NTRK3: variants seen among roughly 807,000 people sequenced by gnomAD.
NTRK3 encodes NT-3 growth factor receptor.
A neutral mutation model predicts 91.7 loss-of-function variants in NTRK3; 24 were observed. The ratio of observed to expected loss-of-function variants is 0.26; its 90% CI spans 0.19 to 0.37. NTRK3 has a LOEUF of 0.37. NTRK3 is among the 10% of genes least tolerant of loss of function. The pLI is 1.00. For synonymous variants in NTRK3, 483 were observed against 404.0 expected (o/e 1.20, Z -2.34); for missense variants, 880 against 1,068.9 (o/e 0.82, Z 2.46).
intron 3 of NTRK3, among the ~76,000 whole-genome samples, chr15:88,227,887 C>T (rs547163842): frequency 6.6e-6 from 1 of 152,246 alleles, no homozygotes; most frequent in South Asian, 2.1e-4. Context: ...GGTCCTTTCT[C>T]CTTACTCCTG....
intron 13 of NTRK3, among the ~76,000 whole-genome samples, chr15:88,120,526 T>C (rs1441156635): frequency 6.6e-6 from 1 of 152,188 alleles, no homozygotes; most frequent in Non-Finnish European, 1.5e-5. Context: ...CTTGATGCCC[T>C]TCCTTCCCGG....
At chr15:88,096,175 A>G (rs1380139339) in intron 13 of NTRK3, among the ~76,000 whole-genome samples, 5 of 152,144 alleles carry the variant, frequency 3.3e-5, no homozygotes, top group Admixed American at 3.3e-4. Context: ...CCGAGATGCT[A>G]ACTGTCCTGC....
At chr15:88,207,357 C>T (rs1402235395) in intron 3 of NTRK3, among the ~76,000 whole-genome samples, 2 of 152,180 alleles carry the variant, frequency 1.3e-5, no homozygotes, top group African/African-American at 2.4e-5. Context: ...GTCACTCTTT[C>T]CCCCCAACAC....
At chr15:87,885,036 G>T (rs568422339) in intron 17 of NTRK3, among the ~76,000 whole-genome samples, 5 of 151,972 alleles carry the variant, frequency 3.3e-5, no homozygotes, top group African/African-American at 1.2e-4. Flanking sequence ...TAACGAAAAA[G>T]CAGTTAGAAC....
chr15:88,173,585 A>G (rs1460910559), intron 5 of NTRK3, among the ~76,000 whole-genome samples: 1 of 152,242 alleles, frequency 6.6e-6, no homozygotes, highest in Non-Finnish European at 1.5e-5. Context: ...GCTAAGGGGC[A>G]TTGCCCATTC....
chr15:88,058,907 T>C (rs2045959423), intron 13 of NTRK3, among the ~76,000 whole-genome samples: 1 of 152,186 alleles, frequency 6.6e-6, no homozygotes, highest in African/African-American at 2.4e-5. Context: ...CATTCTCCTC[T>C]GAGCCAGCAG....
intron 13 of NTRK3, 132 bp from the exon 14 acceptor site, chr15:88,033,177 T>C (rs12441363): frequency 0.52 from 42,606 of 82,080 alleles, 5,343 homozygotes; most frequent in Middle Eastern, 0.6. Flanking sequence ...GGGGGTGTGT[T>C]ATATATATAT....
intron 13 of NTRK3, among the ~76,000 whole-genome samples, chr15:88,119,019 T>TATTTTGC (rs1401373455): frequency 1.3e-5 from 2 of 152,046 alleles, no homozygotes; most frequent in Non-Finnish European, 2.9e-5. Context: ...AGAGGAAAAA[T>TATTTTGC]ATTTTGCATC....
chr15:87,950,293 G>T (rs1420359617), intron 14 of NTRK3, among the ~76,000 whole-genome samples: 1 of 152,168 alleles, frequency 6.6e-6, no homozygotes, highest in Non-Finnish European at 1.5e-5. Flanking sequence ...CCGTAGAAGG[G>T]GAGACCAGAG....
intron 10 of NTRK3, among the ~76,000 whole-genome samples, chr15:88,133,388 A>AC (rs1413986061): frequency 6.6e-6 from 1 of 152,032 alleles, no homozygotes; most frequent in Non-Finnish European, 1.5e-5. Flanking sequence ...CTCTCAGGAT[A>AC]CCCCTGGCAG....
chr15:88,060,450 G>A (rs919612102), intron 13 of NTRK3, among the ~76,000 whole-genome samples: 5 of 152,090 alleles, frequency 3.3e-5, no homozygotes, highest in Non-Finnish European at 7.4e-5. Flanking sequence ...CTCCATGGTG[G>A]GAAGCACACG....
intron 3 of NTRK3, among the ~76,000 whole-genome samples, chr15:88,200,325 C>T (rs1371786850): frequency 6.6e-6 from 1 of 152,206 alleles, no homozygotes; most frequent in Non-Finnish European, 1.5e-5. Flanking sequence ...TGGAACTCCA[C>T]TTCATTTATT....
intron 16 of NTRK3, among the ~76,000 whole-genome samples, chr15:87,929,756 A>G (rs1186225925): frequency 6.6e-6 from 1 of 152,202 alleles, no homozygotes; most frequent in African/African-American, 2.4e-5. Context: ...AATTAGCAAA[A>G]CAACAAATAA....
intron 5 of NTRK3, among the ~76,000 whole-genome samples, chr15:88,149,441 T>C (rs945593771): frequency 1.3e-5 from 2 of 152,192 alleles, no homozygotes; most frequent in Non-Finnish European, 2.9e-5. Context: ...ATAGTCCCCA[T>C]GGCCCTACAC....
chr15:88,204,566 G>A (rs902023693), intron 3 of NTRK3, among the ~76,000 whole-genome samples: 2 of 152,096 alleles, frequency 1.3e-5, no homozygotes, highest in African/African-American at 4.8e-5. Context: ...AGTCTGTTTT[G>A]GGATCAGAGT....
In NTRK3 at chr15:88,134,477, T is replaced by C. The variant is rs765206886; in HGVS notation, c.1204+624A>G. Among the ~76,000 whole-genome samples, 26 of 152,170 alleles carry C rather than the reference T, an allele frequency of 1.7e-4. 1 individual carries two copies. Among genetic ancestry groups the C allele is most frequent in the Non-Finnish European group, 1.0e-4 (7 of 68,018 alleles). On this transcript the variant is annotated intron_variant, in intron 10 of 18. Coordinates refer to ENST00000394480, the Ensembl canonical transcript of NTRK3. ...TGAGGGCATCAGGTATGACCCACAG[T>C]AGCTCACCATGGAACAAGAGAGGAA... is the stretch of plus-strand genomic sequence containing the variant.
Position 88,129,184 on chromosome 15 carries a change from G to T in NTRK3, c.1205-450C>A, listed in dbSNP as rs559416287. Among the ~76,000 whole-genome samples the T allele has an allele frequency of 3.0e-4, 45 of 152,334 alleles. No homozygotes were observed. In the South Asian group the frequency reaches 8.9e-3, roughly 30 times the overall value. The stretch of plus-strand genomic sequence containing the variant: ...AAAGTAATATGCAGAGTTGATTCTA[G>T]CAGGTCACTGAGAAGTTCTTGAGAA... On this transcript the variant is annotated intron_variant, in intron 10 of 18. Transcript: ENST00000394480.
chr15:87,938,092 A>G (rs1018349017), intron 15 of NTRK3, among the ~76,000 whole-genome samples: 2 of 152,200 alleles, frequency 1.3e-5, no homozygotes, highest in African/African-American at 4.8e-5. Context: ...GAGTGGCACC[A>G]CTTATTTAAG....
intron 16 of NTRK3, chr15:87,931,353 A>G (rs1298270486): frequency 2.6e-6 from 1 of 385,412 alleles, no homozygotes; most frequent in East Asian, 7.3e-5. Context: ...CCTAGATTAG[A>G]AGCTACCATG....
Sources: allele counts gnomAD v4.1 joint callset (sites outside exome capture counted in the v4.1 genomes callset), GRCh38; gene constraint gnomAD v4.1.1; transcripts MANE v1.5; gene names NCBI Gene and HGNC (gene_info 2026-07-23, HGNC 2026-07-21).